Variants in ZNF385D observed in about 807,000 individuals in gnomAD.
ZNF385D encodes zinc finger protein 385D, also known as zinc finger protein 659.
ZNF385D carries 15 observed loss-of-function variants against 35.8 expected under a neutral mutation model. That is an observed-to-expected ratio of 0.42 (90% CI 0.28 to 0.64). The LOEUF (loss-of-function observed/expected upper bound fraction) is 0.64, where lower values mean the gene tolerates loss of function less well. ZNF385D is among the 30% of genes least tolerant of loss of function. The pLI is 0.23. For missense variants in ZNF385D, 474 were observed against 494.6 expected (o/e 0.96, Z 0.39); for synonymous variants, 212 against 186.8 (o/e 1.13, Z -1.10).
intron 2 of ZNF385D, among the ~76,000 whole-genome samples, chr3:21,595,843 AAAG>A (rs1428840322): frequency 6.6e-6 from 1 of 152,228 alleles, no homozygotes; most frequent in Non-Finnish European, 1.5e-5. Flanking sequence ...AAAGTAAAGT[AAAG>A]AAGATAGTCA....
At chr3:21,673,263 T>C (rs2066629065) in intron 1 of ZNF385D, among the ~76,000 whole-genome samples, 1 of 152,226 alleles carries the variant, frequency 6.6e-6, no homozygotes, top group Admixed American at 6.5e-5. Context: ...ATAAAAAAAA[T>C]TCAGTTATCA....
At chr3:21,918,892 C>T (rs1352136) in intron 3 of ZNF385D, among the ~76,000 whole-genome samples, 139,483 of 152,234 alleles carry the variant, frequency 0.92, 64,000 homozygotes, top group East Asian at 0.98. Context: ...TCCTTTGTTA[C>T]TCATTAGCTT....
At chr3:21,868,761 G>A (rs978693533) in intron 3 of ZNF385D, among the ~76,000 whole-genome samples, 5 of 152,068 alleles carry the variant, frequency 3.3e-5, no homozygotes, top group African/African-American at 9.7e-5. Context: ...ATCTAAATAA[G>A]TTAGAAGATA....
At chr3:21,827,773 TG>T (rs1694736723) in intron 3 of ZNF385D, among the ~76,000 whole-genome samples, 1 of 152,174 alleles carries the variant, frequency 6.6e-6, no homozygotes, top group Admixed American at 6.5e-5. Context: ...TTCTGCAAAA[TG>T]TGCGTGACAT....
At chr3:22,016,971 CTT>C (rs981370183) in intron 3 of ZNF385D, among the ~76,000 whole-genome samples, 3 of 151,804 alleles carry the variant, frequency 2.0e-5, no homozygotes, top group Non-Finnish European at 4.4e-5. Flanking sequence ...CACACACACA[CTT>C]TCTCATTTAA....
intron 2 of ZNF385D, among the ~76,000 whole-genome samples, chr3:22,191,795 G>T (rs1036558691): frequency 1.3e-5 from 2 of 151,950 alleles, no homozygotes; most frequent in Non-Finnish European, 2.9e-5. Flanking sequence ...TTCAGTGAAG[G>T]AATAAAATAA....
intron 4 of ZNF385D, among the ~76,000 whole-genome samples, chr3:21,442,895 G>GTGTA (rs1195574327): frequency 6.6e-6 from 1 of 151,374 alleles, no homozygotes; most frequent in African/African-American, 2.4e-5. Context: ...AAGTGTGTGT[G>GTGTA]TGTGTGTGTG....
chr3:22,227,110 TTACTA>T (rs1269634221), intron 2 of ZNF385D, among the ~76,000 whole-genome samples: 7 of 152,150 alleles, frequency 4.6e-5, no homozygotes, highest in Admixed American at 4.6e-4. Flanking sequence ...TGTATATACA[TTACTA>T]TAACATATTA....
At chr3:22,084,892 A>T (rs1297328390) in intron 3 of ZNF385D, among the ~76,000 whole-genome samples, 1 of 152,234 alleles carries the variant, frequency 6.6e-6, no homozygotes, top group Non-Finnish European at 1.5e-5. Flanking sequence ...ACCACAGTGC[A>T]ATCAAATTAG....
chr3:22,174,605 T>G (rs1166227640), intron 2 of ZNF385D, among the ~76,000 whole-genome samples: 1 of 152,154 alleles, frequency 6.6e-6, no homozygotes, highest in African/African-American at 2.4e-5. Context: ...CTCATATAAA[T>G]AGTGGTAGAG....
At chr3:21,571,712 C>T (rs1327811431) in intron 2 of ZNF385D, among the ~76,000 whole-genome samples, 2 of 152,070 alleles carry the variant, frequency 1.3e-5, no homozygotes, top group Non-Finnish European at 2.9e-5. Flanking sequence ...TTTGGGGCTC[C>T]CATGCCCCCA....
At chr3:22,350,277 CAAT>C (rs940486524) in intron 2 of ZNF385D, among the ~76,000 whole-genome samples, 2 of 151,958 alleles carry the variant, frequency 1.3e-5, no homozygotes, top group Admixed American at 6.6e-5. Flanking sequence ...ACTTCAGATT[CAAT>C]AATATTTTTT....
intron 4 of ZNF385D, among the ~76,000 whole-genome samples, chr3:21,477,789 TC>T (rs1316035704): frequency 6.6e-6 from 1 of 152,212 alleles, no homozygotes; most frequent in Non-Finnish European, 1.5e-5. Context: ...GCAAACATTT[TC>T]TTTAAATGAT....
chr3:21,813,432 G>A lies in ZNF385D; in HGVS notation c.326-148404C>T, dbSNP rs187753585. On this transcript the variant is annotated intron_variant, in intron 3 of 5. Transcript: ENST00000494108. ...CTAAAGGAGGATGTCTGAACCCATC[G>A]CAAAGAAGCGAAAAACCTTCAAAAA... 6.4e-4 allele frequency among the ~76,000 whole-genome samples: 97 copies of A among 152,232 alleles called. 1 individual carries two copies. Among genetic ancestry groups the A allele is most frequent in the Admixed American group, 4.8e-3 (74 of 15,274 alleles).
intron 3 of ZNF385D, among the ~76,000 whole-genome samples, chr3:22,126,869 T>C (rs879635833): frequency 4.6e-5 from 7 of 152,188 alleles, no homozygotes; most frequent in Non-Finnish European, 8.8e-5. Context: ...TGGGTGCATA[T>C]ACAGTTATAA....
intron 3 of ZNF385D, among the ~76,000 whole-genome samples, chr3:21,818,186 G>A (rs148991232): frequency 6.6e-6 from 1 of 151,644 alleles, no homozygotes; most frequent in Admixed American, 6.6e-5. Flanking sequence ...CGTGATGGGG[G>A]TGGGGATGGG....
chr3:22,114,246 A>G (rs932387952), intron 3 of ZNF385D, among the ~76,000 whole-genome samples: 2 of 152,054 alleles, frequency 1.3e-5, no homozygotes, highest in South Asian at 4.1e-4. Flanking sequence ...TTTACATAAC[A>G]TTAAATATTT....
chr3:22,071,083 A>G (rs1254398780), intron 3 of ZNF385D, among the ~76,000 whole-genome samples: 1 of 152,188 alleles, frequency 6.6e-6, no homozygotes, highest in Non-Finnish European at 1.5e-5. Flanking sequence ...GTAACATGAT[A>G]TTTATGACAT....
intron 3 of ZNF385D, among the ~76,000 whole-genome samples, chr3:22,097,325 G>T (rs546113483): frequency 6.6e-6 from 1 of 152,058 alleles, no homozygotes; most frequent in East Asian, 1.9e-4. Context: ...AAAATATATG[G>T]TGTTGGGTTT....
Sources: gnomAD v4.1 joint callset for allele counts (sites outside exome capture counted in the v4.1 genomes callset) on GRCh38, gnomAD v4.1.1 for gene constraint, MANE v1.5 for transcripts, NCBI Gene and HGNC (gene_info 2026-07-23, HGNC 2026-07-21) for gene names.